The following H2AZ2 variants were observed in gnomAD, a reference collection of about 807,000 sequenced individuals.
The protein encoded by H2AZ2 is H2A.Z variant histone 2, also known as histone H2A.V.
In H2AZ2, 5 loss-of-function variants were observed where a neutral mutation model predicts 15.5. That is an observed-to-expected ratio of 0.32 (90% CI 0.17 to 0.68). The LOEUF (loss-of-function observed/expected upper bound fraction) is 0.68. H2AZ2 is among the 30% of genes least tolerant of loss of function. The pLI, the probability that H2AZ2 is intolerant of heterozygous loss-of-function variation, is 0.72. For synonymous variants in H2AZ2, 44 were observed against 57.4 expected (o/e 0.77, Z 1.05); for missense variants, 42 against 162.5 (o/e 0.26, Z 4.03).
intron 1 of H2AZ2, among the ~76,000 whole-genome samples, chr7:44,843,651 T>G (rs1010211897): frequency 1.3e-5 from 2 of 152,166 alleles, no homozygotes; most frequent in African/African-American, 4.8e-5. Context: ...CTCCACCTCC[T>G]GGGCTCAAGC....
chr7:44,841,088 T>C, intron 2 of H2AZ2, 76 bp from the exon 3 acceptor site: 1 of 997,030 alleles, frequency 1.0e-6, no homozygotes, highest in Non-Finnish European at 1.5e-6. Context: ...GGCTGAACAA[T>C]GTAAGCATGA....
intron 3 of H2AZ2, among the ~76,000 whole-genome samples, chr7:44,837,279 A>C (rs35358315): frequency 0.77 from 115,758 of 150,770 alleles, 46,640 homozygotes; most frequent in Non-Finnish European, 0.9. Flanking sequence ...AAAAATCAGC[A>C]AGGTGTGGTG....
In H2AZ2 at chr7:44,834,275, C is replaced by CA. The variant is rs1793063668; in HGVS notation, c.*225dup. 2 of 1,263,938 alleles carry CA rather than the reference C, an allele frequency of 1.6e-6. No homozygotes were observed. Among genetic ancestry groups the CA allele is most frequent in the African/African-American group, 3.0e-5 (2 of 66,420 alleles). 78.3% of individuals were successfully genotyped at this position (1,263,938 alleles called of 1,614,324 possible). On this transcript the variant is annotated 3_prime_UTR_variant, in exon 5 of 5. Transcript: ENST00000308153. The stretch of plus-strand genomic sequence containing the variant: ...ATCAATTCCATTTTTGTATAAAACA[C>CA]ACGGGAGAAACCTAGCCAATCAACA...
chr7:44,827,354 A>G (rs561532235), downstream of H2AZ2: 2 of 152,360 alleles, frequency 1.3e-5, no homozygotes, highest in East Asian at 3.9e-4. Context: ...TGTGGAGGTT[A>G]GCTCCTAAAG....
At chr7:44,835,262 G>A (rs1793091765) in intron 4 of H2AZ2, 1 of 410,890 alleles carries the variant, frequency 2.4e-6, no homozygotes, top group Non-Finnish European at 4.3e-6. Context: ...AAAAAGTATG[G>A]GAAATATGTT....
intron 3 of H2AZ2, among the ~76,000 whole-genome samples, chr7:44,837,946 G>A (rs1050655988): frequency 6.6e-6 from 1 of 151,638 alleles, no homozygotes; most frequent in Non-Finnish European, 1.5e-5. Context: ...GTCTATTTCT[G>A]CAGAACCTTT....
chr7:44,839,153 G>C (rs1054690249), intron 3 of H2AZ2, among the ~76,000 whole-genome samples: 3 of 152,154 alleles, frequency 2.0e-5, no homozygotes, highest in Non-Finnish European at 2.9e-5. Context: ...TATCATATTT[G>C]TGATTTTTAT....
downstream of H2AZ2, among the ~76,000 whole-genome samples, chr7:44,831,418 C>G (rs1792997155): frequency 6.6e-6 from 1 of 151,938 alleles, no homozygotes; most frequent in African/African-American, 2.4e-5. Flanking sequence ...AGTCAAGTAA[C>G]TATACTATCA....
rs1793024421 is a variant in H2AZ2, at chr7:44,832,843, G to C, written c.*1658C>G. Among the ~76,000 whole-genome samples, 1 of 152,082 alleles carries C rather than the reference G, an allele frequency of 6.6e-6. No homozygotes were observed. The highest frequency in any genetic ancestry group is 6.6e-5 in the Admixed American group (1 of 15,252). On this transcript the variant is annotated 3_prime_UTR_variant, in exon 5 of 5. Transcript: ENST00000308153. ...CATGTGCCTGTGGTCCCAGCTATTT[G>C]CAGGGCTGAGGTAAGAGGATTGCTT...
chr7:44,829,062 C>G (rs1583707291), downstream of H2AZ2: 1 of 152,268 alleles, frequency 6.6e-6, no homozygotes, highest in African/African-American at 2.4e-5. Context: ...TGCAAAGTCC[C>G]TTTTACCACA....
intron 3 of H2AZ2, 97 bp downstream of exon 3, chr7:44,840,802 A>C (rs1326521419): frequency 2.6e-6 from 2 of 757,888 alleles, no homozygotes; most frequent in East Asian, 2.8e-5. Context: ...CCCAGTGAGC[A>C]TAATATGTCT....
downstream of H2AZ2, among the ~76,000 whole-genome samples, chr7:44,830,981 C>G (rs1303482464): frequency 6.6e-6 from 1 of 151,994 alleles, no homozygotes; most frequent in Non-Finnish European, 1.5e-5. Flanking sequence ...AGAGTGAGAT[C>G]CTGTCTCAGA....
At chr7:44,838,720 C>G (rs180914982) in intron 3 of H2AZ2, among the ~76,000 whole-genome samples, 95 of 152,282 alleles carry the variant, frequency 6.2e-4, no homozygotes, top group Non-Finnish European at 1.2e-3. Context: ...GAAGCTGAAA[C>G]TATCCATAAC....
intron 1 of H2AZ2, among the ~76,000 whole-genome samples, chr7:44,846,733 A>G (rs12702096): frequency 6.6e-6 from 1 of 151,332 alleles, no homozygotes; most frequent in Non-Finnish European, 1.5e-5. Context: ...ATTAGATGTA[A>G]GCTGTACCTC....
intron 1 of H2AZ2, among the ~76,000 whole-genome samples, chr7:44,846,023 TTA>T (rs1793389356): frequency 2.6e-5 from 1 of 38,348 alleles, no homozygotes; most frequent in South Asian, 9.8e-4. Context: ...TTTTAAAAAA[TTA>T]CACACACACA....
Position 44,832,266 on chromosome 7 carries a change from G to C in H2AZ2, c.*2235C>G, listed in dbSNP as rs1793011637. On this transcript the variant is annotated 3_prime_UTR_variant, in exon 5 of 5. Transcript: ENST00000308153. ...GTACTTGGCATCAAAAAATGTTTTA[G>C]CAGTCTTACACAATGGTATTGTGGT... 6.6e-6 allele frequency among the ~76,000 whole-genome samples: 1 copy of C among 152,114 alleles called. No homozygotes were observed. The highest frequency in any genetic ancestry group is 6.5e-5 in the Admixed American group (1 of 15,270).
chr7:44,838,252 C>T (rs1583715278), intron 3 of H2AZ2, among the ~76,000 whole-genome samples: 2 of 152,042 alleles, frequency 1.3e-5, no homozygotes, highest in South Asian at 4.2e-4. Flanking sequence ...GGATTACAGG[C>T]GTAAGCCACC....
At chr7:44,842,284 T>C (rs1043748277) in intron 2 of H2AZ2, among the ~76,000 whole-genome samples, 1 of 152,176 alleles carries the variant, frequency 6.6e-6, no homozygotes, top group Non-Finnish European at 1.5e-5. Context: ...TGCTCCTTTC[T>C]CATTCTCTTA....
At chr7:44,842,860 G>C (rs1793305984) in intron 2 of H2AZ2, among the ~76,000 whole-genome samples, 1 of 152,108 alleles carries the variant, frequency 6.6e-6, no homozygotes, top group Non-Finnish European at 1.5e-5. Flanking sequence ...GGGTTTCTCA[G>C]CCAGGCGCGG....
Sources: gnomAD v4.1 joint callset for allele counts (sites outside exome capture counted in the v4.1 genomes callset) on GRCh38, gnomAD v4.1.1 for gene constraint, MANE v1.5 for transcripts, NCBI Gene and HGNC (gene_info 2026-07-23, HGNC 2026-07-21) for gene names.